The following LPAR6 variants were observed in gnomAD, a reference collection of about 807,000 sequenced individuals.
The protein encoded by LPAR6 is G-protein coupled purinergic receptor P2Y5.
In LPAR6, 17 loss-of-function variants were observed where a neutral mutation model predicts 22.0. That is an observed-to-expected ratio of 0.77 (90% CI 0.53 to 1.16). The LOEUF (loss-of-function observed/expected upper bound fraction) is 1.16. Among genes scored for constraint, LPAR6 ranks in the 50% most tolerant of loss-of-function variants. The pLI is 0.00. For synonymous variants in LPAR6, 136 were observed against 139.8 expected (o/e 0.97, Z 0.19); for missense variants, 384 against 406.9 (o/e 0.94, Z 0.48).
At chr13:48,428,835 A>G (rs764043108), upstream of LPAR6, among the ~76,000 whole-genome samples, 33 of 152,250 alleles carry the variant, frequency 2.2e-4, no homozygotes, top group South Asian at 6.2e-4. Context: ...TTTTCTGTGA[A>G]TAGTAAATTT....
At chr13:48,417,024 T>C (rs1948923043), upstream of LPAR6, 1 of 152,428 alleles carries the variant, frequency 6.6e-6, no homozygotes, top group African/African-American at 2.4e-5. Flanking sequence ...CGTTCCTGCC[T>C]GCTGGCTCTG....
chr13:48,421,860 A>G (rs1171379870), intron 2 of LPAR6, among the ~76,000 whole-genome samples: 1 of 152,242 alleles, frequency 6.6e-6, no homozygotes, highest in Non-Finnish European at 1.5e-5. Flanking sequence ...TTAAAACGTC[A>G]GGAAACAACA....
At chr13:48,436,815 A>G (rs1449433546) in intron 1 of LPAR6, among the ~76,000 whole-genome samples, 2 of 152,216 alleles carry the variant, frequency 1.3e-5, no homozygotes, top group Non-Finnish European at 2.9e-5. Context: ...GAGGCAAAAC[A>G]GTCTTAGAAT....
At chr13:48,442,597 C>A (rs1320235239) in intron 1 of LPAR6, among the ~76,000 whole-genome samples, 1 of 152,088 alleles carries the variant, frequency 6.6e-6, no homozygotes, top group African/African-American at 2.4e-5. Flanking sequence ...AGGAGGAAGA[C>A]CCTCACTGAA....
At chr13:48,423,712 A>G (rs1228452631) in intron 1 of LPAR6, among the ~76,000 whole-genome samples, 1 of 152,210 alleles carries the variant, frequency 6.6e-6, no homozygotes, top group African/African-American at 2.4e-5. Flanking sequence ...ATGAGAGAGT[A>G]TGTGAGACTT....
intron 1 of LPAR6, among the ~76,000 whole-genome samples, chr13:48,396,250 T>C (rs1008401168): frequency 1.3e-5 from 2 of 152,040 alleles, no homozygotes; most frequent in South Asian, 4.2e-4. Context: ...CAAACTATAC[T>C]ACAAGGCCAC....
intron 1 of LPAR6, among the ~76,000 whole-genome samples, chr13:48,424,386 C>CTTT (rs1949050412): frequency 6.6e-6 from 1 of 151,994 alleles, no homozygotes; most frequent in Non-Finnish European, 1.5e-5. Flanking sequence ...GTTGAACCAA[C>CTTT]TTTTATAGAG....
chr13:48,426,855 T>C (rs931678554), intron 1 of LPAR6: 3 of 152,258 alleles, frequency 2.0e-5, no homozygotes, highest in African/African-American at 7.2e-5. Flanking sequence ...TTTAGTTGGC[T>C]CACGGTTCTT....
chr13:48,441,646 T>C (rs1949237773), intron 1 of LPAR6, among the ~76,000 whole-genome samples: 1 of 152,180 alleles, frequency 6.6e-6, no homozygotes, highest in Non-Finnish European at 1.5e-5. Context: ...AAGTGTTATT[T>C]ACTAGAAAAT....
chr13:48,442,175 T>C (rs537609692), intron 1 of LPAR6, among the ~76,000 whole-genome samples: 205 of 152,216 alleles, frequency 1.3e-3, no homozygotes, highest in African/African-American at 4.7e-3. Flanking sequence ...GTTCCTTTTA[T>C]AGTATTAATT....
At chr13:48,408,218 TA>T (rs1420814663), downstream of LPAR6, among the ~76,000 whole-genome samples, 1 of 152,010 alleles carries the variant, frequency 6.6e-6, no homozygotes, top group Non-Finnish European at 1.5e-5. Flanking sequence ...GGTTCATTGA[TA>T]GCTCCTTAAG....
At chr13:48,423,335 C>T (rs538691786) in intron 1 of LPAR6, among the ~76,000 whole-genome samples, 13 of 151,932 alleles carry the variant, frequency 8.6e-5, no homozygotes, top group African/African-American at 1.5e-4. Context: ...AGTGCAGTGG[C>T]GCGATCTCGG....
chr13:48,402,326 C>T (rs959512682), intron 1 of LPAR6, among the ~76,000 whole-genome samples: 1 of 146,768 alleles, frequency 6.8e-6, no homozygotes. Flanking sequence ...CAATGAAGAA[C>T]AAATGGCCTG....
chr13:48,411,612 G>A lies in LPAR6; in HGVS notation c.812C>T (p.Thr271Ile). The change falls in exon 1 of 1, where the codon ACA (threonine) becomes ATA (isoleucine). Residue 271 changes from threonine to isoleucine, a missense_variant. Coordinates refer to ENST00000620633, the MANE Select transcript of LPAR6 (RefSeq NM_001162498.3). ...AATACAGAGAGTGATTGGGTACATT[G>A]TCCTTACTGCTGCCACTACTGAGCA... ...VNCSVVAAVR[T>I]MYPITLCIAV... is the part of the protein sequence containing the mutation. The A allele has an allele frequency of 6.2e-7, 1 of 1,611,948 alleles. No homozygotes were observed. The highest frequency in any genetic ancestry group is 8.5e-7 in the Non-Finnish European group (1 of 1,178,208).
Position 48,411,535 on chromosome 13 carries a change from T to G in LPAR6, c.889A>C (p.Thr297Pro). 1 of 1,613,536 alleles carries G rather than the reference T, an allele frequency of 6.2e-7. No individual in the cohort carries two copies. The change falls in exon 1 of 1, where the codon ACA (threonine) becomes CCA (proline). Residue 297 changes from threonine (T) to proline (P), a missense_variant. Coordinates refer to ENST00000620633, the MANE Select transcript of LPAR6 (RefSeq NM_001162498.3). ...TTCATTTTTATTGAATTCTGAATTGTGTCCGATGTAAAGTAGTAAACTATA... is the reference window on the plus strand; with the variant it reads ...TTCATTTTTATTGAATTCTGAATTGGGTCCGATGTAAAGTAGTAAACTATA... ...DPIVYYFTSDTIQNSIKMKNW... is the reference protein window; with the variant it reads ...DPIVYYFTSDPIQNSIKMKNW...
rs1258499641 is a variant in LPAR6 at position 48,411,442 on chromosome 13, G to C, written c.982C>G (p.His328Asp). 1.2e-6 allele frequency: 2 copies of C among 1,613,110 alleles called. No individual in the cohort carries two copies. Among genetic ancestry groups the C allele is most frequent in the East Asian group, 4.5e-5 (2 of 44,830 alleles). Reference protein sequence around the residue: ...EVHGAENFIQHNLQTLKSKIF... With the variant: ...EVHGAENFIQDNLQTLKSKIF... ...TTACTTTTTAAGGTCTGTAGGTTAT[G>C]CTGAATAAAATTCTCTGCACCATGA... is the stretch of plus-strand genomic sequence containing the variant. The change falls in exon 1 of 1, where the codon CAT becomes GAT. Residue 328 changes from histidine (H) to aspartate (D), a missense_variant. Transcript: ENST00000620633.
intron 1 of LPAR6, among the ~76,000 whole-genome samples, chr13:48,437,095 T>C (rs1187154294): frequency 2.0e-5 from 3 of 152,246 alleles, no homozygotes; most frequent in Non-Finnish European, 2.9e-5. Flanking sequence ...AACAGACTTA[T>C]AGCTTCTACT....
chr13:48,406,412 G>A (rs1447391502), downstream of LPAR6: 5 of 151,990 alleles, frequency 3.3e-5, no homozygotes, highest in East Asian at 9.6e-4. Flanking sequence ...AAGGAAAAAG[G>A]ACAAATCAGA....
chr13:48,419,576 C>CA lies in LPAR6; in HGVS notation c.-953-2257dup, dbSNP rs1171697484. Reference sequence around the variant, plus strand: ...GGAGAGAGAAACACGAAAAACCCTTCAAAAAATCAATGAATCCAGGAGCTG... The same window carrying CA: ...GGAGAGAGAAACACGAAAAACCCTTCAAAAAAATCAATGAATCCAGGAGCTG... On this transcript the variant is annotated intron_variant, in intron 2 of 4. Transcript: ENST00000345941. 5.3e-5 allele frequency among the ~76,000 whole-genome samples: 8 copies of CA among 152,034 alleles called. No homozygotes were observed. In the South Asian group the frequency reaches 8.3e-4, roughly 16 times the overall value.
Sources: gnomAD v4.1 joint callset for allele counts (sites outside exome capture counted in the v4.1 genomes callset) on GRCh38, gnomAD v4.1.1 for gene constraint, MANE v1.5 for transcripts, NCBI Gene and HGNC (gene_info 2026-07-23, HGNC 2026-07-21) for gene names.